Variants in SDK1 observed in about 807,000 individuals in gnomAD.
SDK1 encodes sidekick cell adhesion molecule 1.
In SDK1, 157 loss-of-function variants were observed where a neutral mutation model predicts 245.5. The observed-to-expected ratio is 0.64, with a 90% CI of 0.56 to 0.73. SDK1 has a LOEUF of 0.73. Ranked by LOEUF, SDK1 falls within the 30% of genes least tolerant of loss-of-function variation. The pLI, the probability that SDK1 is intolerant of heterozygous loss-of-function variation, is 0.00. For synonymous variants in SDK1, 1,647 were observed against 1,278.5 expected (o/e 1.29, Z -6.15); for missense variants, 3,583 against 3,002.3 (o/e 1.19, Z -4.52).
chr7:3,896,596 C>T (rs1396785084), intron 5 of SDK1, among the ~76,000 whole-genome samples: 1 of 152,194 alleles, frequency 6.6e-6, no homozygotes, highest in African/African-American at 2.4e-5. Flanking sequence ...TGGCTTCCCT[C>T]AGCCTGGATT....
intron 44 of SDK1, among the ~76,000 whole-genome samples, chr7:4,264,680 C>T (rs190632038): frequency 9.8e-5 from 14 of 142,248 alleles, no homozygotes; most frequent in South Asian, 7.0e-4. Flanking sequence ...AGGGAGGCTG[C>T]GTAGATCTCT....
chr7:3,437,525 GC>G (rs1445077361), intron 1 of SDK1, among the ~76,000 whole-genome samples: 1 of 152,114 alleles, frequency 6.6e-6, no homozygotes, highest in Non-Finnish European at 1.5e-5. Context: ...TAATCTCAGA[GC>G]TTTGGGAAGC....
intron 4 of SDK1, among the ~76,000 whole-genome samples, chr7:3,644,930 G>C (rs546204940): frequency 6.6e-6 from 1 of 152,026 alleles, no homozygotes; most frequent in East Asian, 1.9e-4. Flanking sequence ...TTGGTACCAG[G>C]GATGGGGGGA....
intron 17 of SDK1, 146 bp downstream of exon 17, chr7:4,017,498 G>T (rs1383906890): frequency 4.1e-5 from 26 of 626,534 alleles, no homozygotes; most frequent in South Asian, 2.3e-4. Context: ...CGTATTTAAT[G>T]GGATCTCTCC....
intron 1 of SDK1, among the ~76,000 whole-genome samples, chr7:3,570,920 G>T (rs1254355401): frequency 6.6e-6 from 1 of 151,068 alleles, no homozygotes; most frequent in East Asian, 1.9e-4. Flanking sequence ...AATCCAGGGT[G>T]ATTTATGTGT....
intron 34 of SDK1, among the ~76,000 whole-genome samples, chr7:4,176,583 A>G (rs1215616484): frequency 6.6e-6 from 1 of 152,320 alleles, no homozygotes; most frequent in East Asian, 1.9e-4. Context: ...AGCCGTCACC[A>G]TCATTCTCCA....
At chr7:3,972,970 C>G (rs1026295199) in intron 12 of SDK1, among the ~76,000 whole-genome samples, 3 of 152,196 alleles carry the variant, frequency 2.0e-5, no homozygotes, top group Non-Finnish European at 1.5e-5. Context: ...AGAGCTCCTT[C>G]CTAAATGATT....
intron 5 of SDK1, among the ~76,000 whole-genome samples, chr7:3,908,771 C>G (rs1036195258): frequency 6.6e-6 from 1 of 151,592 alleles, no homozygotes; most frequent in African/African-American, 2.4e-5. Context: ...TCCCGGATGT[C>G]TAGAGCGGGA....
chr7:3,662,821 C>G (rs1044358791), intron 4 of SDK1, among the ~76,000 whole-genome samples: 7 of 152,122 alleles, frequency 4.6e-5, no homozygotes, highest in African/African-American at 1.4e-4. Flanking sequence ...AAAGGAAGTG[C>G]TCATTGAAGC....
intron 1 of SDK1, among the ~76,000 whole-genome samples, chr7:3,437,022 G>T (rs1263436701): frequency 6.6e-6 from 1 of 152,154 alleles, no homozygotes; most frequent in South Asian, 2.1e-4. Flanking sequence ...GGCAGCGGCT[G>T]CTCCTCTATC....
intron 1 of SDK1, among the ~76,000 whole-genome samples, chr7:3,604,815 T>A (rs531985260): frequency 5.3e-4 from 81 of 152,040 alleles, no homozygotes; most frequent in African/African-American, 1.7e-3. Context: ...TTGGTCAGGC[T>A]GGTCTTGAAC....
At chr7:3,836,935 C>T (rs951749918) in intron 5 of SDK1, among the ~76,000 whole-genome samples, 1 of 152,096 alleles carries the variant, frequency 6.6e-6, no homozygotes, top group Non-Finnish European at 1.5e-5. Flanking sequence ...GCCACCTTTC[C>T]ACTGATCCTC....
At chr7:3,631,059 A>G (rs996013989) in intron 2 of SDK1, among the ~76,000 whole-genome samples, 36 of 151,962 alleles carry the variant, frequency 2.4e-4, no homozygotes, top group African/African-American at 8.0e-4. Flanking sequence ...CAGCCTCCCA[A>G]GTAGCTTGGG....
intron 1 of SDK1, among the ~76,000 whole-genome samples, chr7:3,442,944 C>T (rs892915510): frequency 9.9e-5 from 15 of 152,116 alleles, no homozygotes; most frequent in Non-Finnish European, 4.4e-5. Flanking sequence ...AAACTAATTT[C>T]TCCCAAGAAG....
intron 4 of SDK1, among the ~76,000 whole-genome samples, chr7:3,811,171 T>A (rs1779374188): frequency 6.6e-6 from 1 of 152,190 alleles, no homozygotes; most frequent in South Asian, 2.1e-4. Flanking sequence ...CGATTTGCAC[T>A]TCATCAGTGT....
intron 1 of SDK1, among the ~76,000 whole-genome samples, chr7:3,336,209 A>G (rs1249425103): frequency 6.6e-6 from 1 of 152,188 alleles, no homozygotes; most frequent in Non-Finnish European, 1.5e-5. Context: ...CCAGGCTTCG[A>G]GAGCAGGCAG....
In SDK1 at chr7:4,134,464, C is replaced by T. The variant is rs556211484; in HGVS notation, c.4228+2041C>T. 1.6e-4 allele frequency among the ~76,000 whole-genome samples: 25 copies of T among 152,286 alleles called. 1 individual carries two copies. The South Asian group carries it at 5.2e-3, about 32-fold the overall frequency. On this transcript the variant is annotated intron_variant, in intron 28 of 44. Coordinates refer to ENST00000404826, the MANE Select transcript of SDK1 (RefSeq NM_152744.4). ...GTGGCGAGGAGATTTGCAGGAGCCC[C>T]ACCCAGGCAGGCCCTAACCTCAGCA...
intron 17 of SDK1, among the ~76,000 whole-genome samples, chr7:4,028,974 T>C (rs2128157518): frequency 6.6e-6 from 1 of 152,078 alleles, no homozygotes; most frequent in Admixed American, 6.5e-5. Flanking sequence ...CTGTAATTCC[T>C]GTAATTCCCA....
At chr7:4,039,704 GTTGAT>G (rs934651000) in intron 17 of SDK1, among the ~76,000 whole-genome samples, 129 of 152,210 alleles carry the variant, frequency 8.5e-4, no homozygotes, top group African/African-American at 3.0e-3. Context: ...TCTTTACTGA[GTTGAT>G]TTAATTATGG....
Sources: gnomAD v4.1 joint callset for allele counts (sites outside exome capture counted in the v4.1 genomes callset) on GRCh38, gnomAD v4.1.1 for gene constraint, MANE v1.5 for transcripts, NCBI Gene and HGNC (gene_info 2026-07-23, HGNC 2026-07-21) for gene names.